Variants in MAST4 observed in about 807,000 individuals in gnomAD.
MAST4 encodes microtubule associated serine/threonine kinase family member 4.
MAST4 carries 89 observed loss-of-function variants against 162.7 expected under a neutral mutation model. The ratio of observed to expected loss-of-function variants is 0.55; its 90% CI spans 0.46 to 0.65. The LOEUF is 0.65. Ranked by LOEUF, MAST4 falls within the 30% of genes least tolerant of loss-of-function variation. MAST4 has a pLI of 0.00. For missense variants in MAST4, 3,153 were observed against 3,374.0 expected, an observed-to-expected ratio of 0.93 and a Z score of 1.62; for synonymous variants, 1,479 against 1,361.1, an observed-to-expected ratio of 1.09 and a Z score of -1.91.
intron 26 of MAST4, among the ~76,000 whole-genome samples, chr5:67,158,570 CAAAA>C (rs956224229): frequency 3.3e-5 from 5 of 151,282 alleles, no homozygotes; most frequent in African/African-American, 1.2e-4. Context: ...GACCCCATCT[CAAAA>C]AAATTTTTTT....
chr5:66,736,145 T>A (rs903520674), intron 1 of MAST4, among the ~76,000 whole-genome samples: 1 of 152,178 alleles, frequency 6.6e-6, no homozygotes, highest in Non-Finnish European at 1.5e-5. Context: ...TGCATACCAT[T>A]GATCCTTCCT....
intron 19 of MAST4, among the ~76,000 whole-genome samples, chr5:67,139,123 C>A (rs1356819723): frequency 6.6e-6 from 1 of 152,212 alleles, no homozygotes; most frequent in African/African-American, 2.4e-5. Flanking sequence ...TTAGAATTGT[C>A]AAGTGCTTGC....
intron 1 of MAST4, among the ~76,000 whole-genome samples, chr5:66,601,316 CA>C (rs749035513): frequency 1.2e-4 from 18 of 152,330 alleles, no homozygotes; most frequent in Middle Eastern, 3.4e-3. Context: ...ATCAGAAAAT[CA>C]GTCAACCAAA....
intron 6 of MAST4, among the ~76,000 whole-genome samples, chr5:67,090,651 G>A (rs967749397): frequency 6.6e-6 from 1 of 151,068 alleles, no homozygotes; most frequent in African/African-American, 2.4e-5. Flanking sequence ...GCTATAGGAT[G>A]TTTTCTGCTT....
intron 3 of MAST4, among the ~76,000 whole-genome samples, chr5:66,873,469 C>T (rs947607378): frequency 7.9e-5 from 12 of 152,198 alleles, no homozygotes; most frequent in African/African-American, 2.4e-4. Flanking sequence ...TAACAAATTA[C>T]GGTAAACCAG....
chr5:66,664,044 G>T (rs1369517954), intron 1 of MAST4, among the ~76,000 whole-genome samples: 1 of 152,130 alleles, frequency 6.6e-6, no homozygotes, highest in African/African-American at 2.4e-5. Flanking sequence ...GATGTGTAGG[G>T]TGTAAGAAAG....
intron 4 of MAST4, among the ~76,000 whole-genome samples, chr5:66,904,955 C>T (rs249612): frequency 0.67 from 101,693 of 151,672 alleles, 34,523 homozygotes; most frequent in Middle Eastern, 0.76. Flanking sequence ...TAGTAGACCC[C>T]GGTGTCTTAT....
chr5:66,985,244 A>C (rs1749348725), intron 4 of MAST4, among the ~76,000 whole-genome samples: 1 of 152,144 alleles, frequency 6.6e-6, no homozygotes, highest in African/African-American at 2.4e-5. Flanking sequence ...ATCCTTCATT[A>C]GGAGGATATG....
At chr5:66,998,379 C>T (rs1483494918) in intron 4 of MAST4, among the ~76,000 whole-genome samples, 1 of 152,180 alleles carries the variant, frequency 6.6e-6, no homozygotes, top group East Asian at 1.9e-4. Flanking sequence ...GCACTTCATA[C>T]ACAACTAGTT....
intron 5 of MAST4, among the ~76,000 whole-genome samples, chr5:67,056,733 G>A (rs1286723630): frequency 4.6e-5 from 7 of 152,182 alleles, no homozygotes; most frequent in Admixed American, 4.6e-4. Flanking sequence ...ACCTACCTCT[G>A]TTGCCCAGGC....
At chr5:67,009,233 C>G (rs1335840782) in intron 4 of MAST4, among the ~76,000 whole-genome samples, 1 of 152,190 alleles carries the variant, frequency 6.6e-6, no homozygotes, top group African/African-American at 2.4e-5. Flanking sequence ...AGAATTTGGT[C>G]TCAGGGAACC....
At chr5:66,882,432 C>CT (rs1017683695) in intron 3 of MAST4, among the ~76,000 whole-genome samples, 15 of 151,826 alleles carry the variant, frequency 9.9e-5, no homozygotes, top group African/African-American at 3.4e-4. Context: ...TTTGTTTTTG[C>CT]TTTTTTTTCT....
chr5:66,607,989 A>G (rs1402005569), intron 1 of MAST4, among the ~76,000 whole-genome samples: 1 of 152,016 alleles, frequency 6.6e-6, no homozygotes, highest in East Asian at 1.9e-4. Flanking sequence ...CGATGTTCTG[A>G]TATGTATATA....
rs777251926 is a variant in MAST4, at chr5:67,166,406, G to A, written c.7227G>A (p.Gly2409=). The change falls in exon 29 of 29, where the codon GGG becomes GGA. Residue 2409 remains glycine, a synonymous_variant. Transcript: ENST00000403625. The part of the protein sequence containing the change: ...RLKGAERPAA[G]VGKGFPEARG... ...AAGGCGCGGAGCGGCCAGCCGCGGG[G>A]GTGGGGAAGGGCTTCCCTGAGGCCA... 1.9e-6 allele frequency: 3 copies of A among 1,609,654 alleles called. No homozygotes were observed. The highest frequency in any genetic ancestry group is 1.7e-6 in the Non-Finnish European group (2 of 1,177,992).
chr5:66,847,322 A>G (rs1296725257), intron 3 of MAST4, among the ~76,000 whole-genome samples: 1 of 152,166 alleles, frequency 6.6e-6, no homozygotes, highest in Non-Finnish European at 1.5e-5. Flanking sequence ...CTTGTTGGAC[A>G]TTAATTGGGA....
chr5:66,894,262 T>A (rs1762540717), intron 3 of MAST4, among the ~76,000 whole-genome samples: 1 of 152,142 alleles, frequency 6.6e-6, no homozygotes, highest in Non-Finnish European at 1.5e-5. Flanking sequence ...TCTCTCTAGA[T>A]CTCTAGGGGT....
intron 18 of MAST4, 74 bp downstream of exon 18, chr5:67,134,762 C>A: frequency 8.3e-7 from 1 of 1,211,742 alleles, no homozygotes; most frequent in Non-Finnish European, 1.2e-6. Context: ...TTGAGTGTCA[C>A]AGTTTTTACT....
chr5:66,657,986 A>G (rs1220308805), intron 1 of MAST4, among the ~76,000 whole-genome samples: 1 of 152,222 alleles, frequency 6.6e-6, no homozygotes, highest in Non-Finnish European at 1.5e-5. Context: ...AAGAATAATT[A>G]TATACAAGTT....
intron 14 of MAST4, among the ~76,000 whole-genome samples, chr5:67,129,727 A>G (rs1768711107): frequency 6.2e-4 from 1 of 1,604 alleles, no homozygotes; most frequent in African/African-American, 2.9e-3. Context: ...CCATCTCAAA[A>G]AAAAAAAAGA....
Sources: gnomAD v4.1 joint callset for allele counts (sites outside exome capture counted in the v4.1 genomes callset) on GRCh38, gnomAD v4.1.1 for gene constraint, MANE v1.5 for transcripts, NCBI Gene and HGNC (gene_info 2026-07-23, HGNC 2026-07-21) for gene names.